ADA2: variants seen among roughly 807,000 people sequenced by gnomAD.
The protein encoded by ADA2 is adenosine deaminase CECR1.
ADA2 carries 29 observed loss-of-function variants against 44.2 expected under a neutral mutation model. That is an observed-to-expected ratio of 0.66 (90% CI 0.49 to 0.89). The LOEUF is 0.89. Ranked by LOEUF, ADA2 falls within the 40% of genes least tolerant of loss-of-function variation. The pLI, the probability that ADA2 is intolerant of heterozygous loss-of-function variation, is 0.00. For missense variants in ADA2, 637 were observed against 644.8 expected (o/e 0.99, Z 0.13); for synonymous variants, 215 against 234.9 (o/e 0.92, Z 0.77).
At chr22:17,216,797 T>TATAG (rs150913677) in intron 1 of ADA2, among the ~76,000 whole-genome samples, 4 of 147,170 alleles carry the variant, frequency 2.7e-5, no homozygotes, top group African/African-American at 5.0e-5. Context: ...CACATATATA[T>TATAG]AGAGAGAGAG....
chr22:17,186,198 GCT>G (rs1176706963), intron 7 of ADA2, among the ~76,000 whole-genome samples: 1 of 152,202 alleles, frequency 6.6e-6, no homozygotes, highest in African/African-American at 2.4e-5. Context: ...CCAATTTCCA[GCT>G]GTGTGGCTTT....
At chr22:17,221,051 G>A (rs2062519210), upstream of ADA2, among the ~76,000 whole-genome samples, 1 of 152,016 alleles carries the variant, frequency 6.6e-6, no homozygotes, top group South Asian at 2.1e-4. Flanking sequence ...GCTGAGGCAG[G>A]AGAATTGCTT....
At chr22:17,203,490 C>T (rs2062315225) in intron 4 of ADA2, 73 bp downstream of exon 4, 9 of 1,249,052 alleles carry the variant, frequency 7.2e-6, no homozygotes, top group Non-Finnish European at 1.0e-5. Flanking sequence ...AGCATTCAGT[C>T]TTCTACCAGC....
chr22:17,182,098 G>T, intron 8 of ADA2, 76 bp from the exon 9 acceptor site: 1 of 1,183,130 alleles, frequency 8.5e-7, no homozygotes, highest in Non-Finnish European at 1.2e-6. Flanking sequence ...GTGAGACCTT[G>T]AGCCCCATCA....
intron 4 of ADA2, chr22:17,199,445 C>CGCCCTCCCCTCCTCTTTCCTCT: frequency 8.9e-7 from 1 of 1,123,200 alleles, no homozygotes; most frequent in Admixed American, 1.7e-5. Context: ...TCCTCTTCCC[C>CGCCCTCCCCTCCTCTTTCCTCT]TCCACCCACG....
intron 7 of ADA2, among the ~76,000 whole-genome samples, chr22:17,183,224 C>T (rs574446226): frequency 2.6e-5 from 4 of 152,088 alleles, no homozygotes; most frequent in South Asian, 2.1e-4. Flanking sequence ...GCTGGGACTA[C>T]GGGCACACGC....
chr22:17,185,115 T>C (rs1379125066), intron 7 of ADA2, among the ~76,000 whole-genome samples: 2 of 150,506 alleles, frequency 1.3e-5, no homozygotes, highest in East Asian at 1.9e-4. Flanking sequence ...TTTTTCTTTT[T>C]AAAAATAAGG....
rs1355640033 is a variant in ADA2, at chr22:17,179,581, G to A, written c.*1902C>T. On this transcript the variant is annotated 3_prime_UTR_variant, in exon 10 of 10. Coordinates refer to ENST00000399837, the MANE Select transcript of ADA2 (RefSeq NM_001282225.2). ...CTTGAAACTTGAAGGGTAAACAGGA[G>A]TGGGCAAGACAAAAGGGGAAAGAAG... The A allele has an allele frequency of 6.6e-6, 1 of 152,410 alleles. No homozygotes were observed. Among genetic ancestry groups the A allele is most frequent in the Non-Finnish European group, 1.5e-5 (1 of 68,178 alleles). The allele number at this position is 152,410 out of a possible 1,614,324, so 9.4% of individuals were successfully genotyped here.
chr22:17,207,534 C>T (rs916820705), intron 2 of ADA2, among the ~76,000 whole-genome samples: 1 of 151,968 alleles, frequency 6.6e-6, no homozygotes, highest in Admixed American at 6.6e-5. Flanking sequence ...GGATTTCTGT[C>T]CAGACATGTT....
chr22:17,191,857 CGCCACCCCCTTCCCA>C, intron 4 of ADA2, 47 bp from the exon 5 acceptor site: 1 of 1,572,726 alleles, frequency 6.4e-7, no homozygotes, highest in Non-Finnish European at 8.6e-7. Flanking sequence ...CAGTGAGAGA[CGCCACCCCCTTCCCA>C]GCCACCCCTG....
chr22:17,187,874 G>A (rs1211508414), intron 7 of ADA2, among the ~76,000 whole-genome samples: 4 of 151,886 alleles, frequency 2.6e-5, no homozygotes, highest in Admixed American at 1.3e-4. Context: ...GGAGGCCGAG[G>A]AGGGCAGATC....
chr22:17,194,819 A>AG (rs1260027585), intron 4 of ADA2, among the ~76,000 whole-genome samples: 1 of 151,948 alleles, frequency 6.6e-6, no homozygotes, highest in Non-Finnish European at 1.5e-5. Flanking sequence ...GTCACCCAAT[A>AG]GGCCACTTTA....
intron 2 of ADA2, 35 bp from the exon 3 acceptor site, chr22:17,207,325 G>C (rs181379020): frequency 2.0e-6 from 3 of 1,494,376 alleles, no homozygotes; most frequent in Non-Finnish European, 2.8e-6. Context: ...AGACAAAGGG[G>C]TGAAGTCCCA....
At chr22:17,211,868 C>T (rs540483417) in intron 1 of ADA2, among the ~76,000 whole-genome samples, 3 of 151,434 alleles carry the variant, frequency 2.0e-5, no homozygotes, top group East Asian at 2.0e-4. Flanking sequence ...GCGGAGGTTG[C>T]AGTGAGCCAA....
At chr22:17,206,110 C>G (rs374186807) in intron 3 of ADA2, among the ~76,000 whole-genome samples, 18 of 152,290 alleles carry the variant, frequency 1.2e-4, no homozygotes, top group African/African-American at 3.9e-4. Flanking sequence ...GAGCTAGGAA[C>G]TTTTATTCTC....
Position 17,207,132 on chromosome 22 carries a change from T to C in ADA2, c.481A>G (p.Lys161Glu). The C allele has an allele frequency of 6.2e-7, 1 of 1,614,228 alleles. No homozygotes were observed. The highest frequency in any genetic ancestry group is 8.5e-7 in the Non-Finnish European group (1 of 1,180,032). The change falls in exon 3 of 10, where the codon AAG (lysine) becomes GAG (glutamate). Residue 161 changes from lysine (K) to glutamate (E), a missense_variant. Transcript: ENST00000399837. ...CGATAATCCTCCAGCAGAATCCACT[T>C]GGAACATTTTTCTGATGGACGGGGA... ...PTPRPSEKCSKWILLEDYRKR... is the reference protein window; with the variant it reads ...PTPRPSEKCSEWILLEDYRKR...
intron 7 of ADA2, among the ~76,000 whole-genome samples, chr22:17,184,830 G>A (rs949841921): frequency 2.0e-5 from 3 of 150,070 alleles, no homozygotes; most frequent in African/African-American, 4.9e-5. Flanking sequence ...TTAGGAGGCT[G>A]AGGTGGAAGG....
chr22:17,215,281 A>G (rs976336311), intron 1 of ADA2, among the ~76,000 whole-genome samples: 4 of 152,234 alleles, frequency 2.6e-5, no homozygotes, highest in African/African-American at 9.6e-5. Flanking sequence ...ATATATACAC[A>G]ATGGAATACT....
intron 4 of ADA2, chr22:17,199,785 AT>A: frequency 7.0e-7 from 1 of 1,421,680 alleles, no homozygotes; most frequent in East Asian, 2.6e-5. Flanking sequence ...TTCGACATCA[AT>A]AAGATGAATT....
Sources: gnomAD v4.1 joint callset for allele counts (sites outside exome capture counted in the v4.1 genomes callset) on GRCh38, gnomAD v4.1.1 for gene constraint, MANE v1.5 for transcripts, NCBI Gene and HGNC (gene_info 2026-07-23, HGNC 2026-07-21) for gene names.